The following RNU1-1 variants were observed in gnomAD, a reference collection of about 807,000 sequenced individuals.
RNU1-1 encodes the protein RNA, U1 small nuclear 1.
In RNU1-1 at chr1:16,514,250, T is replaced by G. The variant is rs866201314; in HGVS notation, n.36A>C. ...TAAGCCTCGCCCTGGGAAAACCACC[T>G]TCGTGATCATGGTATCTCCCCTGCC... On this transcript the variant is annotated non_coding_transcript_exon_variant, in exon 1 of 1. Coordinates refer to ENST00000383925, the Ensembl canonical transcript of RNU1-1. The G allele has an allele frequency of 3.8e-4, 227 of 602,662 alleles. No homozygotes were observed. In the Middle Eastern group the frequency reaches 7.6e-3, roughly 20 times the overall value. 37.3% of individuals were successfully genotyped at this position (602,662 alleles called of 1,614,324 possible).
exon 1 of RNU1-1, chr1:16,514,149 A>C (rs1358340268): frequency 3.3e-5 from 5 of 152,348 alleles, no homozygotes; most frequent in Admixed American, 3.3e-4. Flanking sequence ...GCAGTCCCCC[A>C]CTACCACAAA....
chr1:16,514,142 G>A (rs1351383230), exon 1 of RNU1-1: 2 of 152,354 alleles, frequency 1.3e-5, no homozygotes, highest in South Asian at 2.1e-4. Flanking sequence ...CGCGAACGCA[G>A]TCCCCCACTA....
At chr1:16,514,137 A>T (rs1414104539) in exon 1 of RNU1-1, 1 of 152,366 alleles carries the variant, frequency 6.6e-6, no homozygotes, top group African/African-American at 2.4e-5. Context: ...GAAAGCGCGA[A>T]CGCAGTCCCC....
At chr1:16,514,184 T>TC (rs1331502647) in exon 1 of RNU1-1, 2 of 152,778 alleles carry the variant, frequency 1.3e-5, no homozygotes, top group East Asian at 3.8e-4. Flanking sequence ...TTCCCACATT[T>TC]GGGGAAATCG....
At chr1:16,514,270 C>G (rs58345664) in exon 1 of RNU1-1, 6 of 856,714 alleles carry the variant, frequency 7.0e-6, no homozygotes, top group South Asian at 5.3e-5. Flanking sequence ...TGGTATCTCC[C>G]CTGCCAGGTA....
At chr1:16,514,148 C>T (rs867266409) in exon 1 of RNU1-1, 1 of 152,412 alleles carries the variant, frequency 6.6e-6, no homozygotes, top group South Asian at 2.1e-4. Context: ...CGCAGTCCCC[C>T]ACTACCACAA....
chr1:16,514,272 T>C (rs1431415962), exon 1 of RNU1-1: 40 of 881,932 alleles, frequency 4.5e-5, no homozygotes, highest in Non-Finnish European at 5.2e-5. Flanking sequence ...GTATCTCCCC[T>C]GCCAGGTAAG....
exon 1 of RNU1-1, chr1:16,514,180 C>G (rs1258342835): frequency 2.0e-5 from 3 of 152,784 alleles, no homozygotes; most frequent in Admixed American, 1.3e-4. Flanking sequence ...GAGTTTCCCA[C>G]ATTTGGGGAA....
rs1329901641 is a variant in RNU1-1, at chr1:16,514,258, C to G, written n.28G>C. 3.4e-5 allele frequency: 24 copies of G among 701,016 alleles called. No homozygotes were observed. In the East Asian group the frequency reaches 1.3e-3, roughly 39 times the overall value. The allele number at this position is 701,016 out of a possible 1,614,324, so 43.4% of individuals were successfully genotyped here. ...GCCCTGGGAAAACCACCTTCGTGAT[C>G]ATGGTATCTCCCCTGCCAGGTAAGT... On this transcript the variant is annotated non_coding_transcript_exon_variant, in exon 1 of 1. Transcript: ENST00000383925.
At chr1:16,514,253 G>A (rs1362002486) in exon 1 of RNU1-1, 80 of 638,020 alleles carry the variant, frequency 1.3e-4, no homozygotes, top group Non-Finnish European at 8.8e-5. Flanking sequence ...AACCACCTTC[G>A]TGATCATGGT....
exon 1 of RNU1-1, chr1:16,514,123 A>T (rs1218084960): frequency 6.5e-6 from 1 of 153,196 alleles, no homozygotes; most frequent in African/African-American, 2.4e-5. Flanking sequence ...CCAGAAAGTC[A>T]GGGGAAAGCG....
exon 1 of RNU1-1, chr1:16,514,262 G>C (rs185164943): frequency 2.7e-6 from 2 of 747,630 alleles, no homozygotes; most frequent in East Asian, 2.6e-4. Flanking sequence ...CGTGATCATG[G>C]TATCTCCCCT....
At chr1:16,514,238 G>A (rs1260849231) in exon 1 of RNU1-1, 13 of 395,798 alleles carry the variant, frequency 3.3e-5, no homozygotes, top group South Asian at 3.2e-4. Flanking sequence ...GCCTCGCCCT[G>A]GGAAAACCAC....
chr1:16,514,266 C>G (rs562487878), exon 1 of RNU1-1: 18 of 808,198 alleles, frequency 2.2e-5, no homozygotes, highest in Admixed American at 1.2e-4. Context: ...ATCATGGTAT[C>G]TCCCCTGCCA....
exon 1 of RNU1-1, chr1:16,514,145 C>A (rs1374499041): frequency 6.6e-6 from 1 of 152,278 alleles, no homozygotes; most frequent in African/African-American, 2.4e-5. Flanking sequence ...GAACGCAGTC[C>A]CCCACTACCA....
exon 1 of RNU1-1, chr1:16,514,248 C>T (rs538184603): frequency 1.2e-5 from 7 of 561,642 alleles, no homozygotes; most frequent in Admixed American, 6.3e-5. Context: ...GGGAAAACCA[C>T]CTTCGTGATC....
chr1:16,514,246 C>T (rs1191075785), exon 1 of RNU1-1: 3 of 529,002 alleles, frequency 5.7e-6, no homozygotes, highest in Non-Finnish European at 7.3e-6. Context: ...CTGGGAAAAC[C>T]ACCTTCGTGA....
At chr1:16,514,236 C>A (rs1374204905) in exon 1 of RNU1-1, 5 of 346,094 alleles carry the variant, frequency 1.4e-5, no homozygotes, top group Non-Finnish European at 1.6e-5. Flanking sequence ...AAGCCTCGCC[C>A]TGGGAAAACC....
chr1:16,514,266 C>T (rs562487878), exon 1 of RNU1-1: 41 of 808,192 alleles, frequency 5.1e-5, no homozygotes, highest in East Asian at 1.3e-4. Flanking sequence ...ATCATGGTAT[C>T]TCCCCTGCCA....
Sources: gnomAD v4.1 joint callset for allele counts on GRCh38, gnomAD v4.1.1 for gene constraint, MANE v1.5 for transcripts, NCBI Gene and HGNC (gene_info 2026-07-23, HGNC 2026-07-21) for gene names.